AIDA: variants seen among roughly 807,000 people sequenced by gnomAD.
AIDA encodes axin interactor, dorsalization associated, also known as axin interactor, dorsalization-associated protein.
Under a neutral mutation model 42.7 loss-of-function variants are expected in AIDA, and 18 were observed. The ratio of observed to expected loss-of-function variants is 0.42; its 90% CI spans 0.29 to 0.63. AIDA has a LOEUF of 0.63. Among genes scored for constraint, AIDA ranks in the 20% least tolerant of loss-of-function variants. The pLI, the probability that AIDA is intolerant of heterozygous loss-of-function variation, is 0.19. For synonymous variants in AIDA, 104 were observed against 122.9 expected (o/e 0.85, Z 1.02); for missense variants, 250 against 354.1 (o/e 0.71, Z 2.36).
chr1:222,710,505 C>T (rs1433797167), intron 1 of AIDA, among the ~76,000 whole-genome samples: 1 of 152,106 alleles, frequency 6.6e-6, no homozygotes, highest in Non-Finnish European at 1.5e-5. Flanking sequence ...GCTGCTAGGT[C>T]TCACCACCTC....
rs79400315 is a variant in AIDA, at chr1:222,690,955, T to A, written c.289+2834A>T. On this transcript the variant is annotated intron_variant, in intron 4 of 9. Coordinates refer to ENST00000340020, the MANE Select transcript of AIDA (RefSeq NM_022831.4). ...TAAAGACAGAGAGTCTTTGCCCTCA[T>A]ATATGGATCTCAGACTCTCATCAGA... is the stretch of plus-strand genomic sequence containing the variant. 2.1e-4 allele frequency among the ~76,000 whole-genome samples: 32 copies of A among 152,274 alleles called. No individual in the cohort carries two copies. In the East Asian group the frequency reaches 6.0e-3, roughly 28 times the overall value.
chr1:222,699,231 A>C (rs1374781439), intron 2 of AIDA, among the ~76,000 whole-genome samples: 4 of 152,270 alleles, frequency 2.6e-5, no homozygotes, highest in Admixed American at 1.3e-4. Flanking sequence ...CACTAAAAAT[A>C]GTAAAAGCAT....
chr1:222,703,773 A>G (rs1481288902), intron 1 of AIDA, among the ~76,000 whole-genome samples: 1 of 152,204 alleles, frequency 6.6e-6, no homozygotes, highest in Non-Finnish European at 1.5e-5. Context: ...TCATTGTCCA[A>G]TTATCATTAT....
intron 6 of AIDA, among the ~76,000 whole-genome samples, chr1:222,683,305 A>G (rs1223640986): frequency 2.0e-5 from 3 of 152,220 alleles, no homozygotes; most frequent in South Asian, 2.1e-4. Flanking sequence ...ACAGGAAAGC[A>G]ATGAACATTT....
intron 1 of AIDA, among the ~76,000 whole-genome samples, chr1:222,705,498 A>C (rs559055314): frequency 6.6e-6 from 1 of 152,316 alleles, no homozygotes; most frequent in South Asian, 2.1e-4. Flanking sequence ...AAGCAGAATC[A>C]CTGTCAGAAG....
intron 1 of AIDA, among the ~76,000 whole-genome samples, chr1:222,707,061 A>G (rs1014708801): frequency 1.3e-5 from 2 of 152,162 alleles, no homozygotes; most frequent in African/African-American, 4.8e-5. Flanking sequence ...ATGGTTGCAC[A>G]TCTTGGTAAA....
chr1:222,670,322 C>T (rs937615234), intron 8 of AIDA, 72 bp from the exon 9 acceptor site: 14 of 1,235,216 alleles, frequency 1.1e-5, no homozygotes, highest in East Asian at 2.4e-5. Context: ...TTTCTTTGAT[C>T]ACCAGAAGCA....
intron 6 of AIDA, among the ~76,000 whole-genome samples, chr1:222,683,218 T>C (rs937267945): frequency 6.6e-6 from 1 of 152,190 alleles, no homozygotes; most frequent in Non-Finnish European, 1.5e-5. Flanking sequence ...AACACAACCA[T>C]ACACTTCAGA....
chr1:222,702,026 A>C (rs866018520), intron 2 of AIDA, among the ~76,000 whole-genome samples: 2 of 151,012 alleles, frequency 1.3e-5, no homozygotes, highest in South Asian at 2.1e-4. Flanking sequence ...ACCCAGCCAA[A>C]AAAAAAAAAA....
intron 8 of AIDA, among the ~76,000 whole-genome samples, chr1:222,672,931 A>C (rs1006957683): frequency 6.6e-6 from 1 of 152,184 alleles, no homozygotes; most frequent in Non-Finnish European, 1.5e-5. Flanking sequence ...CTGCAAGTTA[A>C]GTTATCGTTC....
In AIDA at chr1:222,703,133, A is replaced by G. The variant is rs550127948; in HGVS notation, c.180+15T>C. The G allele has an allele frequency of 1.9e-6, 3 of 1,590,700 alleles. No individual in the cohort carries two copies. In the African/African-American group the frequency reaches 4.1e-5, roughly 22 times the overall value. ...TGTTTGGAATCTGATATATCTAGAG[A>G]TTATTTTATGGTACCTTTTGTTCTT... On this transcript the variant is annotated intron_variant, in intron 2 of 9. Transcript: ENST00000340020.
rs372164891 is a variant in AIDA, at chr1:222,708,579, G to T, written c.110+3629C>A. ...GAGAGGGGGTTTCGTCATGTTGGCC[G>T]GGATGGTCTTGAACTCCTGACCTCA... On this transcript the variant is annotated intron_variant, in intron 1 of 9. Transcript: ENST00000340020. Among the ~76,000 whole-genome samples, 5 of 151,890 alleles carry T rather than the reference G, an allele frequency of 3.3e-5. No homozygotes were observed. The East Asian group carries it at 9.8e-4, about 30-fold the overall frequency.
chr1:222,669,680 A>G lies in AIDA; in HGVS notation c.*213T>C. 1.9e-6 allele frequency: 1 copy of G among 513,474 alleles called. No homozygotes were observed. Among genetic ancestry groups the G allele is most frequent in the Non-Finnish European group, 3.5e-6 (1 of 285,648 alleles). 31.8% of individuals were successfully genotyped at this position (513,474 alleles called of 1,614,324 possible). The stretch of plus-strand genomic sequence containing the variant: ...AAAGTAAAAACATGTTTCAAAATCT[A>G]CAATAAACCTGTATCCCAAGGAGTC... On this transcript the variant is annotated 3_prime_UTR_variant, in exon 10 of 10. Coordinates refer to ENST00000340020, the MANE Select transcript of AIDA (RefSeq NM_022831.4).
At chr1:222,690,884 C>T (rs1390943576) in intron 4 of AIDA, among the ~76,000 whole-genome samples, 1 of 151,988 alleles carries the variant, frequency 6.6e-6, no homozygotes, top group African/African-American at 2.4e-5. Context: ...GGATTGAGTG[C>T]CTATAATGTT....
intron 2 of AIDA, among the ~76,000 whole-genome samples, chr1:222,702,342 T>G (rs1175457874): frequency 6.6e-6 from 1 of 152,224 alleles, no homozygotes; most frequent in Middle Eastern, 3.2e-3. Flanking sequence ...GTTTTCACAC[T>G]GTCTTTTCTT....
chr1:222,681,532 G>T (rs1449169650), intron 6 of AIDA, among the ~76,000 whole-genome samples: 1 of 152,144 alleles, frequency 6.6e-6, no homozygotes, highest in Non-Finnish European at 1.5e-5. Context: ...GTGTGGTAGT[G>T]CATGACTGTA....
intron 1 of AIDA, among the ~76,000 whole-genome samples, chr1:222,704,902 A>G (rs1179420560): frequency 2.6e-5 from 4 of 152,216 alleles, no homozygotes; most frequent in Non-Finnish European, 4.4e-5. Flanking sequence ...CTGGGTGGGC[A>G]ATAGGAACAG....
chr1:222,675,956 T>G (rs1050449662), intron 7 of AIDA, 140 bp downstream of exon 7: 3 of 869,382 alleles, frequency 3.5e-6, no homozygotes, highest in Non-Finnish European at 5.0e-6. Flanking sequence ...TCCAGGGACT[T>G]TGCCTCATGA....
chr1:222,708,589 T>C (rs1273587756), intron 1 of AIDA, among the ~76,000 whole-genome samples: 1 of 151,920 alleles, frequency 6.6e-6, no homozygotes, highest in African/African-American at 2.4e-5. Context: ...GGGATGGTCT[T>C]GAACTCCTGA....
Sources: allele counts gnomAD v4.1 joint callset (sites outside exome capture counted in the v4.1 genomes callset), GRCh38; gene constraint gnomAD v4.1.1; transcripts MANE v1.5; gene names NCBI Gene and HGNC (gene_info 2026-07-23, HGNC 2026-07-21).